Variants in CFAP61 observed in about 807,000 individuals in gnomAD.
CFAP61 encodes the protein cilia and flagella associated protein 61, also known as cilia- and flagella-associated protein 61.
Under a neutral mutation model 135.6 loss-of-function variants are expected in CFAP61, and 107 were observed. The observed-to-expected ratio is 0.79, with a 90% CI of 0.67 to 0.93. The LOEUF (loss-of-function observed/expected upper bound fraction) is 0.93. CFAP61 is among the 40% of genes least tolerant of loss of function. The probability of loss-of-function intolerance (pLI) is 0.00; values close to 1 mark genes in which losing one functional copy is unlikely to be tolerated. For missense variants in CFAP61, 1,507 were observed against 1,556.2 expected (o/e 0.97, Z 0.53); for synonymous variants, 575 against 578.5 (o/e 0.99, Z 0.09).
chr20:20,216,610 G>A (rs1266619965), intron 17 of CFAP61, among the ~76,000 whole-genome samples: 1 of 152,162 alleles, frequency 6.6e-6, no homozygotes, highest in Non-Finnish European at 1.5e-5. Flanking sequence ...CAGCAGTATT[G>A]TTATTGCTGT....
chr20:20,055,927 T>C lies in CFAP61; in HGVS notation c.-36-691T>C, dbSNP rs201905744. 6.9e-4 allele frequency: 1,082 copies of C among 1,573,214 alleles called. 19 individuals carry two copies. In the South Asian group the frequency reaches 0.011, roughly 17 times the overall value. ...GAAATTGAGACAATGAGAGAGAAAT[T>C]GAAATCATTTTGTGACCTACTGTTT... On this transcript the variant is annotated intron_variant, in intron 1 of 26. Coordinates refer to ENST00000245957, the MANE Select transcript of CFAP61 (RefSeq NM_015585.4).
chr20:20,116,377 A>C (rs1287641803), intron 8 of CFAP61, among the ~76,000 whole-genome samples: 1 of 151,920 alleles, frequency 6.6e-6, no homozygotes, highest in Non-Finnish European at 1.5e-5. Context: ...CATCCTGTGG[A>C]TTGTCTTTTC....
chr20:20,237,191 A>C (rs1004058122), intron 18 of CFAP61, among the ~76,000 whole-genome samples: 5 of 152,234 alleles, frequency 3.3e-5, no homozygotes, highest in Non-Finnish European at 7.4e-5. Context: ...TATCCTGGCC[A>C]CCATGCCCCT....
At chr20:20,106,627 T>G (rs2048425828) in intron 8 of CFAP61, among the ~76,000 whole-genome samples, 1 of 152,226 alleles carries the variant, frequency 6.6e-6, no homozygotes, top group Admixed American at 6.5e-5. Context: ...TGGGATTATT[T>G]TCTCAGTAGG....
chr20:20,271,657 G>A (rs1036288370), intron 21 of CFAP61, among the ~76,000 whole-genome samples: 2 of 152,202 alleles, frequency 1.3e-5, no homozygotes, highest in South Asian at 2.1e-4. Context: ...AGTAATGCAC[G>A]ATTTATTCGC....
At chr20:20,067,901 A>C (rs2045418170) in intron 2 of CFAP61, among the ~76,000 whole-genome samples, 1 of 151,198 alleles carries the variant, frequency 6.6e-6, no homozygotes, top group Admixed American at 6.6e-5. Context: ...AGAAGTGAAA[A>C]TTATATACAT....
chr20:20,162,920 T>C (rs117167865), intron 10 of CFAP61, among the ~76,000 whole-genome samples: 3,636 of 152,262 alleles, frequency 0.024, 71 homozygotes, highest in Non-Finnish European at 0.039. Context: ...TGTGATGTAA[T>C]TTTCCTGGGG....
intron 10 of CFAP61, among the ~76,000 whole-genome samples, chr20:20,160,974 A>C (rs2053349389): frequency 6.6e-6 from 1 of 152,162 alleles, no homozygotes. Flanking sequence ...AGTCACCCAC[A>C]TCTTGAAACA....
At chr20:20,285,227 A>G (rs541219601) in intron 22 of CFAP61, among the ~76,000 whole-genome samples, 1 of 150,286 alleles carries the variant, frequency 6.7e-6, no homozygotes, top group East Asian at 1.9e-4. Context: ...CTTGGTTTTT[A>G]GCAATTTGAT....
intron 2 of CFAP61, among the ~76,000 whole-genome samples, chr20:20,061,964 G>A (rs1181299584): frequency 6.6e-6 from 1 of 152,154 alleles, no homozygotes; most frequent in Non-Finnish European, 1.5e-5. Flanking sequence ...TGAACCCTGG[G>A]TCCCTCTGGC....
chr20:20,192,747 T>G (rs988350310), intron 15 of CFAP61, among the ~76,000 whole-genome samples: 1 of 152,166 alleles, frequency 6.6e-6, no homozygotes, highest in Admixed American at 6.5e-5. Context: ...TGATCACTTA[T>G]TTCTACGTGT....
At position 20,054,412 on chromosome 20, in the gene CFAP61, T is replaced by C. The variant is rs201863584; in HGVS notation, c.-37+1821T>C. 2.6e-3 allele frequency among the ~76,000 whole-genome samples: 397 copies of C among 151,464 alleles called. 2 individuals are homozygous for C. Among genetic ancestry groups the C allele is most frequent in the African/African-American group, 9.0e-3 (367 of 41,000 alleles). ...TGAGCTAGGGATATATATATATATA[T>C]ATACACACACACATACATACACATA... On this transcript the variant is annotated intron_variant, in intron 1 of 26. Transcript: ENST00000245957.
At chr20:20,228,045 G>A (rs887882607) in intron 17 of CFAP61, among the ~76,000 whole-genome samples, 1 of 152,166 alleles carries the variant, frequency 6.6e-6, no homozygotes, top group Non-Finnish European at 1.5e-5. Flanking sequence ...ACCTAGCTGG[G>A]ATGTCAGGCA....
chr20:20,157,335 A>G (rs1378968279), intron 9 of CFAP61, among the ~76,000 whole-genome samples: 1 of 152,208 alleles, frequency 6.6e-6, no homozygotes, highest in Non-Finnish European at 1.5e-5. Context: ...GGCCTCCCAA[A>G]GTACTGGAAT....
intron 8 of CFAP61, among the ~76,000 whole-genome samples, chr20:20,110,595 G>A (rs140980730): frequency 3.3e-5 from 5 of 152,312 alleles, no homozygotes; most frequent in East Asian, 1.9e-4. Context: ...CTAGACAGGG[G>A]AGTGAGCATG....
intron 18 of CFAP61, among the ~76,000 whole-genome samples, chr20:20,230,238 A>G (rs1195776989): frequency 6.6e-6 from 1 of 152,242 alleles, no homozygotes; most frequent in Non-Finnish European, 1.5e-5. Flanking sequence ...TAAAATACTC[A>G]TAATTCTCTA....
At position 20,090,849 on chromosome 20, in the gene CFAP61, A is replaced by G; in HGVS notation, c.572A>G (p.Glu191Gly). The change falls in exon 7 of 27, where the codon GAA (glutamate) becomes GGA (glycine). Residue 191 changes from glutamate (E) to glycine (G), a missense_variant. Coordinates refer to ENST00000245957, the MANE Select transcript of CFAP61 (RefSeq NM_015585.4). ...PQLHVRKARVEDHDDLMPIFM... is the reference protein window; with the variant it reads ...PQLHVRKARVGDHDDLMPIFM... ...TCAGCCTTTCTATTAAACAGGGTGG[A>G]AGACCATGACGATCTCATGCCAATA... 1 of 1,614,178 alleles carries G rather than the reference A, an allele frequency of 6.2e-7. No individual in the cohort carries two copies. The highest frequency in any genetic ancestry group is 8.5e-7 in the Non-Finnish European group (1 of 1,180,014).
intron 13 of CFAP61, among the ~76,000 whole-genome samples, chr20:20,179,101 G>A (rs2054855944): frequency 6.6e-6 from 1 of 152,120 alleles, no homozygotes; most frequent in Non-Finnish European, 1.5e-5. Context: ...CCTGTTTGCA[G>A]ATGACATGAT....
intron 13 of CFAP61, among the ~76,000 whole-genome samples, chr20:20,187,188 C>G (rs2055564793): frequency 6.6e-6 from 1 of 152,202 alleles, no homozygotes; most frequent in African/African-American, 2.4e-5. Context: ...ATGAGCCTCT[C>G]TATACCCTTG....
Sources: gnomAD v4.1 joint callset for allele counts (sites outside exome capture counted in the v4.1 genomes callset) on GRCh38, gnomAD v4.1.1 for gene constraint, MANE v1.5 for transcripts, NCBI Gene and HGNC (gene_info 2026-07-23, HGNC 2026-07-21) for gene names.